The following EYA1 variants were observed in gnomAD, a reference collection of about 807,000 sequenced individuals.
EYA1 encodes protein phosphatase EYA1.
A neutral mutation model predicts 82.0 loss-of-function variants in EYA1; 16 were observed. The observed-to-expected ratio is 0.20, with a 90% confidence interval of 0.13 to 0.30. The LOEUF is 0.30. Ranked by LOEUF, EYA1 falls within the 10% of genes least tolerant of loss-of-function variation. EYA1 has a pLI of 1.00. For synonymous variants in EYA1, 261 were observed against 264.4 expected (o/e 0.99, Z 0.12); for missense variants, 633 against 730.7 (o/e 0.87, Z 1.54).
In EYA1 at chr8:71,398,083, T is replaced by G. The variant is rs144787233; in HGVS notation, c.34-41572A>C. ...CCCTGTCTTCCACTTGATCAAATCT[T>G]GTACTTATGCTTGTGCATGTGTCAC... is the stretch of plus-strand genomic sequence containing the variant. On this transcript the variant is annotated intron_variant, in intron 2 of 18. Coordinates refer to the EYA1 transcript ENST00000643681. 3.6e-3 allele frequency among the ~76,000 whole-genome samples: 548 copies of G among 152,250 alleles called. 4 individuals are homozygous for G. Among genetic ancestry groups the G allele is most frequent in the African/African-American group, 0.012 (515 of 41,552 alleles).
chr8:71,501,888 G>T lies in EYA1; in HGVS notation c.33+33856C>A, dbSNP rs566888930. Among the ~76,000 whole-genome samples the T allele has an allele frequency of 4.3e-4, 66 of 152,256 alleles. 1 individual carries two copies. The highest frequency in any genetic ancestry group is 1.3e-3 in the African/African-American group (55 of 41,534). On this transcript the variant is annotated intron_variant, in intron 2 of 18. Transcript: ENST00000643681. ...ATGGTGAACTGTAAACTTATATTGT[G>T]GTGTGTGCAACTAGAACAACAGTAA...
intron 11 of EYA1, 116 bp downstream of exon 11, chr8:71,269,624 C>T: frequency 1.4e-6 from 1 of 701,564 alleles, no homozygotes; most frequent in Non-Finnish European, 2.4e-6. Context: ...CTATATAGTT[C>T]TTCTCCATTT....
intron 17 of EYA1, chr8:71,204,230 C>A (rs186626167): frequency 6.6e-6 from 1 of 152,142 alleles, no homozygotes; most frequent in Admixed American, 6.5e-5. Context: ...GTTTTTCTTG[C>A]CTCCTGGAGC....
At chr8:71,427,736 G>A (rs370214776) in intron 2 of EYA1, among the ~76,000 whole-genome samples, 10 of 152,164 alleles carry the variant, frequency 6.6e-5, no homozygotes, top group Admixed American at 4.6e-4. Flanking sequence ...AGATGGAGCA[G>A]TAGGCCAAGT....
intron 2 of EYA1, among the ~76,000 whole-genome samples, chr8:71,480,934 G>T (rs989576071): frequency 1.3e-5 from 2 of 151,900 alleles, no homozygotes; most frequent in African/African-American, 4.8e-5. Context: ...AATAAAATTA[G>T]AATTTTTTTT....
intron 2 of EYA1, among the ~76,000 whole-genome samples, chr8:71,469,846 A>G (rs1184536093): frequency 6.6e-6 from 1 of 151,998 alleles, no homozygotes. Flanking sequence ...CTTTCTCTTG[A>G]TCATTTGATC....
intron 17 of EYA1, among the ~76,000 whole-genome samples, chr8:71,199,705 A>G (rs2128802714): frequency 1.3e-5 from 2 of 152,352 alleles, no homozygotes; most frequent in East Asian, 3.9e-4. Context: ...TCCAAGCTTT[A>G]AATAAAAGAA....
intron 2 of EYA1, among the ~76,000 whole-genome samples, chr8:71,411,692 C>G (rs1830598375): frequency 6.7e-6 from 1 of 148,916 alleles, no homozygotes; most frequent in Non-Finnish European, 1.5e-5. Flanking sequence ...TCATCTCACA[C>G]CAGTTAGAAT....
chr8:71,353,841 T>C (rs973627138), intron 3 of EYA1, among the ~76,000 whole-genome samples: 8 of 152,152 alleles, frequency 5.3e-5, no homozygotes, highest in Admixed American at 1.3e-4. Context: ...AATTCTAACA[T>C]GGATAATTTA....
In EYA1 at chr8:71,215,276, T is replaced by C. The variant is rs1422922536; in HGVS notation, c.1597+111A>G. 7 of 994,570 alleles carry C rather than the reference T, an allele frequency of 7.0e-6. No individual in the cohort carries two copies. In the East Asian group the frequency reaches 1.7e-4, roughly 24 times the overall value. The allele number at this position is 994,570 out of a possible 1,614,324, so 61.6% of individuals were successfully genotyped here. ...AATTGGTTAAATTATTCTTGTATTT[T>C]TTTTTTGACCTATGTAGCATTCTGG... On this transcript the variant is annotated intron_variant, in intron 16 of 17. Coordinates refer to ENST00000340726, the MANE Select transcript of EYA1 (RefSeq NM_000503.6).
At chr8:71,430,368 T>A (rs1324806849) in intron 2 of EYA1, among the ~76,000 whole-genome samples, 1 of 152,144 alleles carries the variant, frequency 6.6e-6, no homozygotes. Flanking sequence ...ACACAGACAG[T>A]CAGTGGCAGA....
intron 2 of EYA1, among the ~76,000 whole-genome samples, chr8:71,460,808 C>A (rs953896367): frequency 1.3e-5 from 2 of 152,094 alleles, no homozygotes; most frequent in African/African-American, 4.8e-5. Context: ...TTAGACAGCT[C>A]GACTTTAGCA....
intron 10 of EYA1, 144 bp from the exon 11 acceptor site, chr8:71,269,967 T>C (rs1816317730): frequency 2.9e-6 from 2 of 699,638 alleles, no homozygotes; most frequent in Non-Finnish European, 5.2e-6. Flanking sequence ...CACAACTGTT[T>C]CAAAGAGTAT....
intron 9 of EYA1, among the ~76,000 whole-genome samples, chr8:71,274,980 G>T (rs570347891): frequency 6.6e-6 from 1 of 152,262 alleles, no homozygotes; most frequent in Non-Finnish European, 1.5e-5. Flanking sequence ...GTGCGAGAGC[G>T]CATGTCACAT....
chr8:71,427,306 CTTA>C (rs1342571787), intron 2 of EYA1, among the ~76,000 whole-genome samples: 2 of 152,166 alleles, frequency 1.3e-5, no homozygotes, highest in East Asian at 3.8e-4. Context: ...GTTTGGTTAG[CTTA>C]TTATATCGAC....
chr8:71,371,833 T>G (rs1344525448), intron 2 of EYA1, among the ~76,000 whole-genome samples: 2 of 151,946 alleles, frequency 1.3e-5, no homozygotes, highest in African/African-American at 4.8e-5. Context: ...AAAGGAGCCC[T>G]TGGAAATAAA....
intron 2 of EYA1, among the ~76,000 whole-genome samples, chr8:71,486,217 T>C (rs1054350290): frequency 1.3e-5 from 2 of 152,184 alleles, no homozygotes; most frequent in Admixed American, 6.5e-5. Flanking sequence ...CAAAGCACTA[T>C]GCAACCACTG....
At chr8:71,332,131 G>T (rs186637175) in intron 4 of EYA1, among the ~76,000 whole-genome samples, 2 of 152,244 alleles carry the variant, frequency 1.3e-5, no homozygotes, top group Non-Finnish European at 2.9e-5. Context: ...AGGATTACAC[G>T]TGTGAACCAC....
intron 3 of EYA1, among the ~76,000 whole-genome samples, chr8:71,346,431 A>AATATATATAAT (rs770393582): frequency 1.3e-4 from 14 of 105,486 alleles, no homozygotes; most frequent in African/African-American, 3.7e-4. Flanking sequence ...TACTGCAGTG[A>AATATATATAAT]ATATATATAT....
Sources: allele counts gnomAD v4.1 joint callset (sites outside exome capture counted in the v4.1 genomes callset), GRCh38; gene constraint gnomAD v4.1.1; transcripts MANE v1.5; gene names NCBI Gene and HGNC (gene_info 2026-07-23, HGNC 2026-07-21).